Variants in VAV2 observed in about 807,000 individuals in gnomAD.
VAV2 encodes the protein guanine nucleotide exchange factor VAV2.
VAV2 carries 67 observed loss-of-function variants against 132.5 expected under a neutral mutation model. The ratio of observed to expected loss-of-function variants is 0.51; its 90% CI spans 0.42 to 0.62. The LOEUF is 0.62. Among genes scored for constraint, VAV2 ranks in the 20% least tolerant of loss-of-function variants. VAV2 has a pLI of 0.00. For missense variants in VAV2, 938 were observed against 1,153.6 expected (o/e 0.81, Z 2.71); for synonymous variants, 492 against 443.5 (o/e 1.11, Z -1.37).
intron 10 of VAV2, 55 bp downstream of exon 10, chr9:133,797,655 C>A: frequency 1.3e-6 from 2 of 1,527,662 alleles, no homozygotes; most frequent in South Asian, 1.2e-5. Flanking sequence ...CGAGCTCTGG[C>A]CTGCAAGCTG....
rs769373042 is a variant in VAV2 at position 133,775,016 on chromosome 9, T to C, written c.2054A>G (p.Asn685Ser). The change falls in exon 25 of 30, where the codon AAC becomes AGC. Residue 685 changes from asparagine (N) to serine (S), a missense_variant. Transcript: ENST00000371850. ...CCCGCTGGCGTGGGACTTGAGCAGG[T>C]TGTCCGTCTGCTGCCTCTCCATGTT... ...AGNMERQQTD[N>S]LLKSHASGTY... The C allele has an allele frequency of 1.9e-6, 3 of 1,613,080 alleles. No homozygotes were observed. Among genetic ancestry groups the C allele is most frequent in the Non-Finnish European group, 1.7e-6 (2 of 1,179,696 alleles).
chr9:133,842,901 G>T (rs796722193), intron 3 of VAV2, among the ~76,000 whole-genome samples: 5 of 152,356 alleles, frequency 3.3e-5, no homozygotes, highest in African/African-American at 1.2e-4. Context: ...ATCAGGAAGC[G>T]CAGCGTGGAG....
chr9:133,770,005 G>GAGGA (rs1833562863), intron 27 of VAV2, among the ~76,000 whole-genome samples: 1 of 152,344 alleles, frequency 6.6e-6, no homozygotes, highest in South Asian at 2.1e-4. Context: ...GCCTCTCACA[G>GAGGA]AGGAGGCCCA....
At chr9:133,973,847 G>GAATTT (rs1332776713) in intron 1 of VAV2, among the ~76,000 whole-genome samples, 6 of 152,144 alleles carry the variant, frequency 3.9e-5, no homozygotes, top group African/African-American at 7.2e-5. Context: ...CCAGGCCTTG[G>GAATTT]GATAAGCATC....
Position 133,768,924 on chromosome 9 carries a change from C to A in VAV2, c.2435-328G>T, listed in dbSNP as rs932668000. Reference sequence around the variant, plus strand: ...AGAAACCCAGTGGAACCAGCTTGGCCCAGATGCAGAATCCTGATAGACAGG... The same window carrying A: ...AGAAACCCAGTGGAACCAGCTTGGCACAGATGCAGAATCCTGATAGACAGG... On this transcript the variant is annotated intron_variant, in intron 28 of 29. Coordinates refer to ENST00000371850, the MANE Select transcript of VAV2 (RefSeq NM_001134398.2). The surrounding 1 kb of genome is among the most constrained non-coding windows in gnomAD (Gnocchi z 5.3). 6.6e-6 allele frequency among the ~76,000 whole-genome samples: 1 copy of A among 152,130 alleles called. No individual in the cohort carries two copies. Among genetic ancestry groups the A allele is most frequent in the African/African-American group, 2.4e-5 (1 of 41,404 alleles).
At chr9:133,970,226 C>T (rs948339577) in intron 1 of VAV2, among the ~76,000 whole-genome samples, 4 of 152,222 alleles carry the variant, frequency 2.6e-5, no homozygotes. Flanking sequence ...TCCTCAGCTC[C>T]CTGGGCACAG....
chr9:133,769,631 G>A lies in VAV2; in HGVS notation c.2348-128C>T. 1.0e-6 allele frequency: 1 copy of A among 969,362 alleles called. No individual in the cohort carries two copies. 60.0% of individuals were successfully genotyped at this position (969,362 alleles called of 1,614,324 possible). On this transcript the variant is annotated intron_variant, in intron 27 of 29. Coordinates refer to ENST00000371850, the MANE Select transcript of VAV2 (RefSeq NM_001134398.2). The surrounding 1 kb of genome is among the most constrained non-coding windows in gnomAD (Gnocchi z 8.1). ...TTTGGCAGGAGAGGCCCTACAGGGG[G>A]GCAAAGGAGGCAGGGGGCAGCACGG...
chr9:133,792,923 T>A (rs1165478102), intron 12 of VAV2, among the ~76,000 whole-genome samples: 2 of 152,014 alleles, frequency 1.3e-5, no homozygotes, highest in Admixed American at 6.5e-5. Flanking sequence ...ACGTGGTCCC[T>A]CTTAAACATC....
chr9:133,833,655 A>C lies in VAV2; in HGVS notation c.449+617T>G, dbSNP rs116319470. ...CTCCTGGAGCGGGCCACGTGATCCC[A>C]CCCTGGTCACAGATTCCCACGGTCC... On this transcript the variant is annotated intron_variant, in intron 4 of 29. Transcript: ENST00000371850. This position sits in a 1 kb window ranked among gnomAD's most constrained non-coding sequence, Gnocchi z 5.6. 0.011 allele frequency among the ~76,000 whole-genome samples: 1,689 copies of C among 151,724 alleles called. 28 individuals are homozygous for C. The highest frequency in any genetic ancestry group is 0.036 in the African/African-American group (1,502 of 41,360).
rs1315131700 is a variant in VAV2 at position 133,865,505 on chromosome 9, T to C, written c.322-4073A>G. Among the ~76,000 whole-genome samples, 4 of 152,258 alleles carry C rather than the reference T, an allele frequency of 2.6e-5. No individual in the cohort carries two copies. In the East Asian group the frequency reaches 5.8e-4, roughly 22 times the overall value. Reference sequence around the variant, plus strand: ...CACCTAGACTACTGTTTAAGACACATACTGAGTTTTTCATTTCAACAATCT... The same window carrying C: ...CACCTAGACTACTGTTTAAGACACACACTGAGTTTTTCATTTCAACAATCT... On this transcript the variant is annotated intron_variant, in intron 2 of 29. Coordinates refer to ENST00000371850, the MANE Select transcript of VAV2 (RefSeq NM_001134398.2).
chr9:133,795,764 T>C (rs756668406), intron 11 of VAV2, 28 bp from the exon 12 acceptor site: 3 of 1,609,700 alleles, frequency 1.9e-6, no homozygotes, highest in East Asian at 4.5e-5. Context: ...GTGTCATGTG[T>C]TACCACTCGG....
At chr9:133,945,924 G>C (rs1276932404) in intron 1 of VAV2, among the ~76,000 whole-genome samples, 1 of 152,204 alleles carries the variant, frequency 6.6e-6, no homozygotes, top group Admixed American at 6.5e-5. Context: ...CAGCTTCTCT[G>C]TACCTCAGTT....
chr9:133,821,022 C>T (rs1013384491), intron 4 of VAV2, among the ~76,000 whole-genome samples: 1 of 152,208 alleles, frequency 6.6e-6, no homozygotes, highest in African/African-American at 2.4e-5. Flanking sequence ...GGACCCAGCC[C>T]ACTCTCCCCC....
At chr9:133,932,793 G>A (rs1840733953) in intron 2 of VAV2, among the ~76,000 whole-genome samples, 1 of 152,210 alleles carries the variant, frequency 6.6e-6, no homozygotes, top group South Asian at 2.1e-4. Context: ...CAGAAGGCAG[G>A]TGCAGTGGAC....
At chr9:133,777,253 G>A in intron 23 of VAV2, 136 bp downstream of exon 23, 1 of 819,584 alleles carries the variant, frequency 1.2e-6, no homozygotes, top group East Asian at 2.5e-5. Context: ...TCCAGCTCCA[G>A]GAAGCAGCTC....
intron 23 of VAV2, 61 bp from the exon 24 acceptor site, chr9:133,776,141 G>A: frequency 6.3e-7 from 1 of 1,591,126 alleles, no homozygotes; most frequent in Non-Finnish European, 8.6e-7. Context: ...GCAGGGCTCA[G>A]AGGGGGTCAT....
At chr9:133,915,098 G>T (rs10125572) in intron 2 of VAV2, among the ~76,000 whole-genome samples, 2,961 of 152,166 alleles carry the variant, frequency 0.019, 85 homozygotes, top group South Asian at 0.058. Context: ...GAAGAGCACC[G>T]GCCTGTTCTC....
rs1432525771 is a variant in VAV2 at position 133,833,012 on chromosome 9, A to G, written c.449+1260T>C. On this transcript the variant is annotated intron_variant, in intron 4 of 29. Transcript: ENST00000371850. This position sits in a 1 kb window ranked among gnomAD's most constrained non-coding sequence, Gnocchi z 5.6. ...CAACCCTCAGACCCACGTGGGGCCG[A>G]CCGGATGTCCAGAGGAGCTCTGGGA... 2.6e-5 allele frequency among the ~76,000 whole-genome samples: 4 copies of G among 151,962 alleles called. No individual in the cohort carries two copies. The highest frequency in any genetic ancestry group is 2.6e-4 in the Admixed American group (4 of 15,256).
intron 2 of VAV2, among the ~76,000 whole-genome samples, chr9:133,903,388 C>G (rs574985821): frequency 1.3e-5 from 2 of 152,194 alleles, no homozygotes; most frequent in Non-Finnish European, 2.9e-5. Flanking sequence ...CACCCTGCAC[C>G]GGGATTCCCT....
Sources: allele counts gnomAD v4.1 joint callset (sites outside exome capture counted in the v4.1 genomes callset), GRCh38; gene constraint gnomAD v4.1.1; non-coding constraint Gnocchi (gnomAD v3.1); transcripts MANE v1.5; gene names NCBI Gene and HGNC (gene_info 2026-07-23, HGNC 2026-07-21).